The following GSAP variants were observed in gnomAD, a reference collection of about 807,000 sequenced individuals.
The protein encoded by GSAP is gamma-secretase activating protein, also known as gamma-secretase-activating protein.
GSAP carries 118 observed loss-of-function variants against 131.7 expected under a neutral mutation model. That is an observed-to-expected ratio of 0.90 (90% CI 0.77 to 1.04). GSAP has a LOEUF of 1.04. Ranked by LOEUF, GSAP falls within the 50% of genes least tolerant of loss-of-function variation. The pLI is 0.00. For missense variants in GSAP, 1,019 were observed against 1,013.2 expected, an observed-to-expected ratio of 1.01 and a Z score of -0.08; for synonymous variants, 381 against 363.4, an observed-to-expected ratio of 1.05 and a Z score of -0.55.
In GSAP at chr7:77,352,998, C is replaced by T; in HGVS notation, c.1437G>A (p.Glu479=). 6.2e-7 allele frequency: 1 copy of T among 1,605,922 alleles called. No homozygotes were observed. The highest frequency in any genetic ancestry group is 8.5e-7 in the Non-Finnish European group (1 of 1,172,764). Residue 479 remains glutamate (E), a synonymous_variant, in exon 18 of 31, where the codon GAG becomes GAA. Transcript: ENST00000257626. ...IASSYWSVYS[E]TSNMDKLLPH... Reference sequence around the variant, plus strand: ...GCAATAGTTTGTCCATGTTACTTGTCTCTGAATATACACTCCAGTATGAAG... The same window carrying T: ...GCAATAGTTTGTCCATGTTACTTGTTTCTGAATATACACTCCAGTATGAAG...
chr7:77,376,620 A>C (rs188793090), intron 10 of GSAP, among the ~76,000 whole-genome samples: 63 of 151,850 alleles, frequency 4.1e-4, no homozygotes, highest in African/African-American at 1.4e-3. Context: ...CAAAAAATAC[A>C]AAAAAAATTA....
chr7:77,408,372 A>T (rs908773202), intron 1 of GSAP, among the ~76,000 whole-genome samples: 1 of 152,202 alleles, frequency 6.6e-6, no homozygotes, highest in African/African-American at 2.4e-5. Context: ...CTAATTGGGC[A>T]GAAGTGTGTA....
chr7:77,393,397 T>A (rs765573222), intron 5 of GSAP, among the ~76,000 whole-genome samples: 7 of 152,170 alleles, frequency 4.6e-5, no homozygotes, highest in Admixed American at 1.3e-4. Flanking sequence ...GACTCCTAAA[T>A]GTGCCTCTCC....
At chr7:77,390,040 A>T (rs1799223530) in intron 5 of GSAP, among the ~76,000 whole-genome samples, 1 of 152,210 alleles carries the variant, frequency 6.6e-6, no homozygotes. Context: ...GCCAGTGATC[A>T]TGAGCATTTT....
At chr7:77,346,311 T>A (rs17152053) in intron 19 of GSAP, among the ~76,000 whole-genome samples, 36,150 of 143,888 alleles carry the variant, frequency 0.25, 6,298 homozygotes, top group African/African-American at 0.48. Flanking sequence ...AAAAAAATTC[T>A]CTGCAACATT....
chr7:77,402,612 AAAAAG>A (rs1801542809), intron 3 of GSAP, among the ~76,000 whole-genome samples: 1 of 144,640 alleles, frequency 6.9e-6, no homozygotes, highest in Non-Finnish European at 1.5e-5. Context: ...AAAAAAAAAA[AAAAAG>A]AATTTTAAAG....
intron 5 of GSAP, 103 bp downstream of exon 5, chr7:77,396,879 A>C (rs568671829): frequency 7.8e-6 from 5 of 642,418 alleles, no homozygotes; most frequent in African/African-American, 1.9e-5. Flanking sequence ...AGATACGATA[A>C]GGCTATTTCT....
chr7:77,354,610 C>G (rs950935410), intron 16 of GSAP, among the ~76,000 whole-genome samples: 1 of 151,520 alleles, frequency 6.6e-6, no homozygotes, highest in Non-Finnish European at 1.5e-5. Flanking sequence ...CAAAGAAAGG[C>G]TTGAGTCAAA....
At chr7:77,317,948 G>T (rs1787085925) in intron 26 of GSAP, among the ~76,000 whole-genome samples, 1 of 152,022 alleles carries the variant, frequency 6.6e-6, no homozygotes, top group South Asian at 2.1e-4. Flanking sequence ...AACTCCTTTT[G>T]TACTGCCATA....
At chr7:77,404,410 T>G (rs1323379506) in intron 3 of GSAP, 149 bp downstream of exon 3, 1 of 655,336 alleles carries the variant, frequency 1.5e-6, no homozygotes, top group Admixed American at 2.8e-5. Context: ...CTGGTCTGTG[T>G]GTATGCCTCA....
At chr7:77,388,642 CT>C (rs1456285383) in intron 5 of GSAP, among the ~76,000 whole-genome samples, 1 of 152,174 alleles carries the variant, frequency 6.6e-6, no homozygotes, top group East Asian at 1.9e-4. Flanking sequence ...TCCAGTGTCT[CT>C]CAGTGACTTC....
At chr7:77,397,125 C>T in intron 4 of GSAP, 90 bp from the exon 5 acceptor site, 1 of 839,188 alleles carries the variant, frequency 1.2e-6, no homozygotes, top group Non-Finnish European at 1.9e-6. Context: ...TAGATGAGGG[C>T]TCAAAGGATA....
At chr7:77,389,175 ATTAGTATATTAAAT>A (rs1799021397) in intron 5 of GSAP, among the ~76,000 whole-genome samples, 1 of 152,076 alleles carries the variant, frequency 6.6e-6, no homozygotes, top group Non-Finnish European at 1.5e-5. Context: ...GTATGACTAA[ATTAGTATATTAAAT>A]AGCACGAACT....
chr7:77,402,682 C>T (rs1801573202), intron 3 of GSAP, among the ~76,000 whole-genome samples: 1 of 133,910 alleles, frequency 7.5e-6, no homozygotes, highest in South Asian at 2.3e-4. Flanking sequence ...TCAAAAGGTC[C>T]GTAAAAAAAA....
Position 77,321,351 on chromosome 7 carries a change from T to A in GSAP, c.1976A>T (p.His659Leu), listed in dbSNP as rs765701451. 2 of 1,600,920 alleles carry A rather than the reference T, an allele frequency of 1.2e-6. No homozygotes were observed. The highest frequency in any genetic ancestry group is 1.7e-6 in the Non-Finnish European group (2 of 1,168,080). The change falls in exon 25 of 31, where the codon CAT (histidine) becomes CTT (leucine). Residue 659 changes from histidine (H) to leucine (L), a missense_variant. Transcript: ENST00000257626. Reference sequence around the variant, plus strand: ...TGCGTACAAGTGGAGAACCCAGGAATGAAGATTATGTTTCCTCCAATTGGT... The same window carrying A: ...TGCGTACAAGTGGAGAACCCAGGAAAGAAGATTATGTTTCCTCCAATTGGT... Reference protein sequence around the residue: ...VETNWRKHNLHSWVLHFNSRG... With the variant: ...VETNWRKHNLLSWVLHFNSRG...
At chr7:77,385,333 C>T (rs966491594) in intron 6 of GSAP, among the ~76,000 whole-genome samples, 4 of 152,178 alleles carry the variant, frequency 2.6e-5, no homozygotes, top group African/African-American at 9.7e-5. Flanking sequence ...TGCGCCCAGC[C>T]ACTTTTAACT....
chr7:77,372,184 A>G (rs2150981697), intron 12 of GSAP, among the ~76,000 whole-genome samples: 1 of 152,376 alleles, frequency 6.6e-6, no homozygotes. Context: ...AAACAATTGG[A>G]TAAATCCAGA....
intron 6 of GSAP, 64 bp from the exon 7 acceptor site, chr7:77,382,707 T>A: frequency 1.1e-6 from 1 of 886,624 alleles, no homozygotes; most frequent in Non-Finnish European, 1.9e-6. Flanking sequence ...ATTTCCAAAG[T>A]TGTGTTTGAT....
At chr7:77,391,145 AAAG>A (rs1799463114) in intron 5 of GSAP, among the ~76,000 whole-genome samples, 2 of 144,140 alleles carry the variant, frequency 1.4e-5, no homozygotes, top group East Asian at 2.0e-4. Flanking sequence ...AAAAAAAAAA[AAAG>A]AAAAAGAAAA....
Sources: gnomAD v4.1 joint callset for allele counts (sites outside exome capture counted in the v4.1 genomes callset) on GRCh38, gnomAD v4.1.1 for gene constraint, MANE v1.5 for transcripts, NCBI Gene and HGNC (gene_info 2026-07-23, HGNC 2026-07-21) for gene names.